The following FOXN2 variants were observed in gnomAD, a reference collection of about 807,000 sequenced individuals.
FOXN2 encodes forkhead box N2.
FOXN2 carries 19 observed loss-of-function variants against 41.2 expected under a neutral mutation model. The observed-to-expected ratio is 0.46, with a 90% CI of 0.32 to 0.68. The LOEUF (loss-of-function observed/expected upper bound fraction) is 0.68. FOXN2 is among the 30% of genes least tolerant of loss of function. FOXN2 has a pLI of 0.03. For synonymous variants in FOXN2, 195 were observed against 176.8 expected (o/e 1.10, Z -0.82); for missense variants, 587 against 509.4 (o/e 1.15, Z -1.47).
intron 3 of FOXN2, among the ~76,000 whole-genome samples, 196 bp from the exon 4 acceptor site, chr2:48,358,851 T>C (rs569707614): frequency 3.3e-4 from 49 of 149,852 alleles, no homozygotes; most frequent in Non-Finnish European, 5.9e-5. Context: ...ATCTTGTGAA[T>C]TAGAGGAAGT....
At position 48,377,587 on chromosome 2, in the gene FOXN2, A is replaced by G. The variant is rs934468511; in HGVS notation, c.*2144A>G. 3 of 152,000 alleles carry G rather than the reference A, an allele frequency of 2.0e-5. No individual in the cohort carries two copies. Among genetic ancestry groups the G allele is most frequent in the South Asian group, 2.1e-4 (1 of 4,828 alleles). The allele number at this position is 152,000 out of a possible 1,614,324, so 9.4% of individuals were successfully genotyped here. Reference sequence around the variant, plus strand: ...TTTTGTCTTGATGTATGTAACAGTAATTCTTTACATCTTTTGATTTTTCTC... The same window carrying G: ...TTTTGTCTTGATGTATGTAACAGTAGTTCTTTACATCTTTTGATTTTTCTC... On this transcript the variant is annotated 3_prime_UTR_variant, in exon 7 of 7. Transcript: ENST00000340553.
intron 5 of FOXN2, among the ~76,000 whole-genome samples, chr2:48,366,631 C>G (rs1672553788): frequency 6.6e-6 from 1 of 152,042 alleles, no homozygotes; most frequent in African/African-American, 2.4e-5. Context: ...AATTAATAAG[C>G]CTTAAGTTGC....
Position 48,346,748 on chromosome 2 carries a change from C to T in FOXN2, c.534C>T (p.Gly178=). 4 of 1,581,308 alleles carry T rather than the reference C, an allele frequency of 2.5e-6. No individual in the cohort carries two copies. The highest frequency in any genetic ancestry group is 2.6e-6 in the Non-Finnish European group (3 of 1,167,514). ...TTCAGAAAGTGGAAAGAAGCCATGG[C>T]AAGGTCAGTGTTTATGAACATTGCT... ...KCFQKVERSH[G]KVNGKGSLWC... is the part of the protein sequence containing the mutation. Residue 178 remains glycine (G), a synonymous_variant, in exon 3 of 7, where the codon GGC becomes GGT. Transcript: ENST00000340553.
chr2:48,337,610 C>G (rs1670452396), intron 2 of FOXN2, among the ~76,000 whole-genome samples: 1 of 151,782 alleles, frequency 6.6e-6, no homozygotes, highest in African/African-American at 2.4e-5. Flanking sequence ...CTGGCCTGAT[C>G]TCATTCTTTT....
chr2:48,369,793 T>C (rs1672766789), intron 5 of FOXN2, among the ~76,000 whole-genome samples: 1 of 152,002 alleles, frequency 6.6e-6, no homozygotes, highest in African/African-American at 2.4e-5. Context: ...GGCGGGAGGA[T>C]CACTTGAGCT....
chr2:48,369,228 A>G (rs181287784), intron 5 of FOXN2, among the ~76,000 whole-genome samples: 2 of 152,314 alleles, frequency 1.3e-5, no homozygotes, highest in African/African-American at 4.8e-5. Context: ...TTGAATCATA[A>G]TGGATGTTTG....
At chr2:48,345,812 C>T (rs1379346146) in intron 2 of FOXN2, among the ~76,000 whole-genome samples, 1 of 151,976 alleles carries the variant, frequency 6.6e-6, no homozygotes, top group Non-Finnish European at 1.5e-5. Flanking sequence ...ATAGTAAAAT[C>T]ATAGATTCTT....
In FOXN2 at chr2:48,375,421, A is replaced by G; in HGVS notation, c.1274A>G (p.Asn425Ser). ...GSLISTAKTQNQKQRKK is the reference protein window; with the variant it reads ...GSLISTAKTQSQKQRKK Reference sequence around the variant, plus strand: ...CTAATAAGTACTGCAAAGACACAAAATCAAAAGCAACGGAAAAAATAGAAA... The same window carrying G: ...CTAATAAGTACTGCAAAGACACAAAGTCAAAAGCAACGGAAAAAATAGAAA... The change falls in exon 7 of 7, where the codon AAT (asparagine) becomes AGT (serine). Residue 425 changes from asparagine (N) to serine (S), a missense_variant. Transcript: ENST00000340553. The G allele has an allele frequency of 6.2e-7, 1 of 1,606,290 alleles. No individual in the cohort carries two copies. The highest frequency in any genetic ancestry group is 2.2e-5 in the East Asian group (1 of 44,688).
intron 1 of FOXN2, among the ~76,000 whole-genome samples, chr2:48,327,617 G>T (rs1669762948): frequency 1.3e-5 from 2 of 152,104 alleles, no homozygotes; most frequent in South Asian, 4.1e-4. Context: ...AGCTAATTTT[G>T]TATTTTTAGT....
chr2:48,321,087 C>G (rs918264087), intron 1 of FOXN2, among the ~76,000 whole-genome samples: 4 of 151,952 alleles, frequency 2.6e-5, no homozygotes, highest in African/African-American at 9.7e-5. Flanking sequence ...TTTATTCATT[C>G]ATTTAAACAT....
chr2:48,336,425 A>G (rs1031493015), intron 2 of FOXN2, among the ~76,000 whole-genome samples: 5 of 145,614 alleles, frequency 3.4e-5, no homozygotes, highest in Non-Finnish European at 6.0e-5. Flanking sequence ...AAAAATATAT[A>G]TATATGTATA....
intron 1 of FOXN2, among the ~76,000 whole-genome samples, chr2:48,315,129 C>G (rs78315108): frequency 6.6e-6 from 1 of 152,114 alleles, no homozygotes; most frequent in African/African-American, 2.4e-5. Flanking sequence ...CGGCGGAAAC[C>G]GCGGCGAGGG....
At position 48,365,385 on chromosome 2, in the gene FOXN2, G is replaced by A. The variant is rs554008635; in HGVS notation, c.703+2678G>A. Reference sequence around the variant, plus strand: ...CTTTACATTTAGGTATTGCCAAAATGCCTTTATCTTTGTATTGCCTCAATA... The same window carrying A: ...CTTTACATTTAGGTATTGCCAAAATACCTTTATCTTTGTATTGCCTCAATA... On this transcript the variant is annotated intron_variant, in intron 5 of 6. Coordinates refer to ENST00000340553, the MANE Select transcript of FOXN2 (RefSeq NM_002158.4). 2.6e-5 allele frequency among the ~76,000 whole-genome samples: 4 copies of A among 152,264 alleles called. No homozygotes were observed. The East Asian group carries it at 7.7e-4, about 29-fold the overall frequency.
Position 48,374,989 on chromosome 2 carries a change from C to A in FOXN2, c.842C>A (p.Pro281His). 6.2e-7 allele frequency: 1 copy of A among 1,613,888 alleles called. No individual in the cohort carries two copies. Among genetic ancestry groups the A allele is most frequent in the Non-Finnish European group, 8.5e-7 (1 of 1,179,936 alleles). Residue 281 changes from proline to histidine, a missense_variant, in exon 7 of 7, where the codon CCC becomes CAC. By Grantham distance (77) the Pro-to-His change is moderately conservative (BLOSUM62 -2). Transcript: ENST00000340553. ...KRSYGNAFHH[P>H]SAVRLQESDS... The stretch of plus-strand genomic sequence containing the variant: ...AGTTACGGCAATGCATTTCATCATC[C>A]CAGTGCTGTACGATTACAAGAGAGT...
rs181713141 is a variant in FOXN2, at chr2:48,318,173, A to G, written c.-157+3359A>G. On this transcript the variant is annotated intron_variant, in intron 1 of 6. Transcript: ENST00000340553. The stretch of plus-strand genomic sequence containing the variant: ...CTCCTGTTCAATTTCCTACATTACA[A>G]TGGTACATTTGTCACAATTAAGGAA... Among the ~76,000 whole-genome samples the G allele has an allele frequency of 6.6e-5, 10 of 152,334 alleles. 1 individual carries two copies. In the East Asian group the frequency reaches 7.7e-4, roughly 12 times the overall value.
At chr2:48,337,114 A>G (rs923006663) in intron 2 of FOXN2, among the ~76,000 whole-genome samples, 47 of 149,326 alleles carry the variant, frequency 3.1e-4, no homozygotes, top group Non-Finnish European at 5.0e-4. Context: ...ATCCTCCACT[A>G]CCTTTCCCAG....
At chr2:48,338,592 G>A (rs1317334428) in intron 2 of FOXN2, among the ~76,000 whole-genome samples, 2 of 151,936 alleles carry the variant, frequency 1.3e-5, no homozygotes, top group African/African-American at 4.8e-5. Context: ...TAGTAGAGGG[G>A]GTTTCACCGT....
chr2:48,325,762 C>G (rs1669621773), intron 1 of FOXN2, among the ~76,000 whole-genome samples: 1 of 149,708 alleles, frequency 6.7e-6, no homozygotes, highest in Non-Finnish European at 1.5e-5. Context: ...CAAATGTTAT[C>G]AAAAGGTTCG....
chr2:48,332,184 G>A (rs1385309323), intron 2 of FOXN2, among the ~76,000 whole-genome samples: 5 of 152,058 alleles, frequency 3.3e-5, no homozygotes, highest in Non-Finnish European at 7.4e-5. Context: ...TTTGAGAATG[G>A]CATTAATAGT....
Sources: allele counts gnomAD v4.1 joint callset (sites outside exome capture counted in the v4.1 genomes callset), GRCh38; gene constraint gnomAD v4.1.1; transcripts MANE v1.5; gene names NCBI Gene and HGNC (gene_info 2026-07-23, HGNC 2026-07-21).